Variants in SLC2A9 observed in about 807,000 individuals in gnomAD.
SLC2A9 encodes the protein solute carrier family 2 member 9, also known as solute carrier family 2, facilitated glucose transporter member 9.
In SLC2A9, 39 loss-of-function variants were observed where a neutral mutation model predicts 50.6. The observed-to-expected ratio is 0.77, with a 90% CI of 0.60 to 1.01. SLC2A9 has a LOEUF of 1.01. SLC2A9 is among the 50% of genes least tolerant of loss of function. The pLI, the probability that SLC2A9 is intolerant of heterozygous loss-of-function variation, is 0.00. For synonymous variants in SLC2A9, 324 were observed against 276.9 expected (o/e 1.17, Z -1.69); for missense variants, 686 against 677.6 (o/e 1.01, Z -0.14).
Position 9,803,736 on chromosome 4 carries a change from C to A in SLC2A9, n.421-4495G>T, listed in dbSNP as rs191982165. On this transcript the variant is annotated intron_variant and non_coding_transcript_variant, in intron 3 of 3. Coordinates refer to the SLC2A9 transcript ENST00000503280. ...CATAGAATGTCAGCACTAAGAGGAACTGAGTTCTTCATTGTCCTTTAATTA... is the reference window on the plus strand; with the variant it reads ...CATAGAATGTCAGCACTAAGAGGAAATGAGTTCTTCATTGTCCTTTAATTA... Among the ~76,000 whole-genome samples the A allele has an allele frequency of 2.6e-5, 4 of 152,340 alleles. No homozygotes were observed. In the East Asian group the frequency reaches 7.7e-4, roughly 29 times the overall value.
intron 10 of SLC2A9, among the ~76,000 whole-genome samples, chr4:9,856,757 T>A (rs1730780824): frequency 6.6e-6 from 1 of 152,198 alleles, no homozygotes; most frequent in Non-Finnish European, 1.5e-5. Context: ...ATGTGGTACA[T>A]ATACACCATG....
upstream of SLC2A9, chr4:10,025,928 T>G: frequency 1.2e-6 from 2 of 1,614,144 alleles, no homozygotes; most frequent in Non-Finnish European, 1.7e-6. Flanking sequence ...CTGAATCACT[T>G]TCTTCATCTT....
intron 6 of SLC2A9, among the ~76,000 whole-genome samples, chr4:9,927,030 A>ATTTTTT (rs35095818): frequency 7.4e-6 from 1 of 135,854 alleles, no homozygotes; most frequent in African/African-American, 2.7e-5. Context: ...CTGTTGTTCG[A>ATTTTTT]TTTTTTTTTT....
intron 3 of SLC2A9, among the ~76,000 whole-genome samples, chr4:9,809,378 G>A (rs1438328021): frequency 6.6e-6 from 1 of 152,150 alleles, no homozygotes; most frequent in Non-Finnish European, 1.5e-5. Flanking sequence ...AGTGAGGATT[G>A]GAGCGAACAG....
intron 10 of SLC2A9, among the ~76,000 whole-genome samples, chr4:9,853,345 G>C (rs1577539661): frequency 6.6e-6 from 1 of 151,976 alleles, no homozygotes; most frequent in South Asian, 2.1e-4. Flanking sequence ...AAATCAGGGG[G>C]TTGCTATTCT....
chr4:9,978,296 G>T (rs1755138899), intron 5 of SLC2A9, among the ~76,000 whole-genome samples: 1 of 152,178 alleles, frequency 6.6e-6, no homozygotes. Flanking sequence ...CAAATGTGGT[G>T]AATGAATAAA....
upstream of SLC2A9, chr4:10,025,986 G>A (rs759495507): frequency 7.4e-6 from 12 of 1,613,102 alleles, no homozygotes; most frequent in African/African-American, 2.7e-5. Context: ...TTCAGGTTTT[G>A]AACTTTTGTT....
intron 10 of SLC2A9, among the ~76,000 whole-genome samples, chr4:9,852,179 G>A (rs920208043): frequency 5.3e-5 from 8 of 152,006 alleles, no homozygotes; most frequent in Non-Finnish European, 1.2e-4. Flanking sequence ...AACCCCGTCA[G>A]GCTAACAGTG....
intron 10 of SLC2A9, among the ~76,000 whole-genome samples, chr4:9,856,373 A>C (rs1196145221): frequency 5.9e-5 from 9 of 152,238 alleles, no homozygotes; most frequent in African/African-American, 2.2e-4. Context: ...AATGCTCAAT[A>C]TCGGTAATCA....
At chr4:9,846,702 T>A (rs16889509) in intron 10 of SLC2A9, among the ~76,000 whole-genome samples, 1 of 152,102 alleles carries the variant, frequency 6.6e-6, no homozygotes, top group African/African-American at 2.4e-5. Flanking sequence ...GGCTAGTAGC[T>A]AAGACCATTG....
chr4:10,038,281 C>T (rs575162733), intron 1 of SLC2A9, among the ~76,000 whole-genome samples: 4 of 151,878 alleles, frequency 2.6e-5, no homozygotes, highest in South Asian at 4.2e-4. Flanking sequence ...CCGAGGCGGG[C>T]GGATCACTTG....
At chr4:10,002,310 C>T (rs1322273308) in intron 2 of SLC2A9, among the ~76,000 whole-genome samples, 1 of 152,184 alleles carries the variant, frequency 6.6e-6, no homozygotes, top group African/African-American at 2.4e-5. Flanking sequence ...GAAACTCTAG[C>T]AAAGCACATA....
intron 1 of SLC2A9, among the ~76,000 whole-genome samples, chr4:10,033,972 C>T (rs1764017780): frequency 1.3e-5 from 2 of 152,188 alleles, no homozygotes; most frequent in African/African-American, 4.8e-5. Flanking sequence ...CCCTTTTCTC[C>T]TACTCTGTCC....
At chr4:9,778,773 C>T (rs2108836355), downstream of SLC2A9, among the ~76,000 whole-genome samples, 1 of 152,308 alleles carries the variant, frequency 6.6e-6, no homozygotes, top group Middle Eastern at 3.4e-3. Context: ...TCAGAACACT[C>T]ATGCATTAAT....
intron 1 of SLC2A9, among the ~76,000 whole-genome samples, chr4:9,774,346 C>A (rs1717242676): frequency 6.6e-6 from 1 of 152,154 alleles, no homozygotes; most frequent in Non-Finnish European, 1.5e-5. Context: ...GTTTAGTGTT[C>A]TAAAAATGTA....
chr4:9,931,962 CTATATATATATATA>C lies in SLC2A9; in HGVS notation c.814+9937_814+9950del, dbSNP rs61538689. ...TCTCTCTCTCTCTCTCTCTCTCTCT[CTATATATATATATA>C]TATATATATATATATATATATATGC... is the stretch of plus-strand genomic sequence containing the variant. On this transcript the variant is annotated intron_variant, in intron 6 of 11. Coordinates refer to ENST00000264784, the MANE Select transcript of SLC2A9 (RefSeq NM_020041.3). Among the ~76,000 whole-genome samples the C allele has an allele frequency of 3.0e-3, 44 of 14,574 alleles. 2 individuals carry two copies. The highest frequency in any genetic ancestry group is 0.029 in the Middle Eastern group (1 of 34). 9.6% of individuals were successfully genotyped at this position (14,574 alleles called of 152,430 possible).
intron 3 of SLC2A9, among the ~76,000 whole-genome samples, chr4:9,787,643 T>C (rs1475321942): frequency 2.0e-5 from 3 of 152,262 alleles, no homozygotes. Context: ...AGACCATGTG[T>C]TGCATTTAGC....
intron 7 of SLC2A9, among the ~76,000 whole-genome samples, chr4:9,916,830 C>A (rs1742929663): frequency 6.6e-6 from 1 of 152,234 alleles, no homozygotes; most frequent in Non-Finnish European, 1.5e-5. Context: ...TGGTATTGAT[C>A]CAATTTTCAG....
intron 8 of SLC2A9, among the ~76,000 whole-genome samples, chr4:9,898,730 T>G (rs1314846000): frequency 6.6e-6 from 1 of 152,194 alleles, no homozygotes; most frequent in Admixed American, 6.5e-5. Context: ...GTGGACTGAT[T>G]GTGCGCAGGG....
Sources: gnomAD v4.1 joint callset for allele counts (sites outside exome capture counted in the v4.1 genomes callset) on GRCh38, gnomAD v4.1.1 for gene constraint, MANE v1.5 for transcripts, NCBI Gene and HGNC (gene_info 2026-07-23, HGNC 2026-07-21) for gene names.